PHF20: variants seen among roughly 807,000 people sequenced by gnomAD.
PHF20 encodes glioma-expressed antigen 2.
PHF20 carries 23 observed loss-of-function variants against 113.5 expected under a neutral mutation model. That is an observed-to-expected ratio of 0.20 (90% CI 0.15 to 0.29). The LOEUF is 0.29. Ranked by LOEUF, PHF20 falls within the 10% of genes least tolerant of loss-of-function variation. PHF20 has a pLI of 1.00. For missense variants in PHF20, 943 were observed against 1,219.6 expected (o/e 0.77, Z 3.38); for synonymous variants, 434 against 457.3 (o/e 0.95, Z 0.65).
intron 13 of PHF20, among the ~76,000 whole-genome samples, chr20:35,919,626 A>G (rs1201745032): frequency 2.0e-5 from 3 of 152,112 alleles, no homozygotes; most frequent in South Asian, 4.1e-4. Flanking sequence ...TTGACTTAAT[A>G]TACAGTTACA....
chr20:35,855,870 G>A (rs2042817554), intron 4 of PHF20, among the ~76,000 whole-genome samples: 1 of 151,926 alleles, frequency 6.6e-6, no homozygotes, highest in African/African-American at 2.4e-5. Context: ...GTAGAGACAG[G>A]GTTTCACCAT....
chr20:35,908,908 C>T (rs903607507), intron 10 of PHF20, among the ~76,000 whole-genome samples: 6 of 152,166 alleles, frequency 3.9e-5, no homozygotes, highest in African/African-American at 1.4e-4. Context: ...GCTGTAAGTG[C>T]TGTTCTGGCA....
At chr20:35,798,011 C>T (rs1367703846) in intron 1 of PHF20, among the ~76,000 whole-genome samples, 1 of 152,038 alleles carries the variant, frequency 6.6e-6, no homozygotes, top group Non-Finnish European at 1.5e-5. Context: ...TTACATTATA[C>T]ACTTGTGAAA....
At chr20:35,837,814 A>G (rs1410731631) in intron 2 of PHF20, among the ~76,000 whole-genome samples, 1 of 152,228 alleles carries the variant, frequency 6.6e-6, no homozygotes, top group African/African-American at 2.4e-5. Flanking sequence ...CAAGGCAGGC[A>G]GAGTTGTGAT....
Position 35,871,734 on chromosome 20 carries a change from G to C in PHF20, c.1187G>C (p.Gly396Ala). 1.2e-6 allele frequency: 2 copies of C among 1,613,944 alleles called. No individual in the cohort carries two copies. Among genetic ancestry groups the C allele is most frequent in the Non-Finnish European group, 1.7e-6 (2 of 1,179,890 alleles). ...TTTGGGGATGGATCCGGGGCTGCAG[G>C]CTTGGAGTTGAACTGCCCATCAATG... is the stretch of plus-strand genomic sequence containing the variant. ...HSFGDGSGAAGLELNCPSMGE... is the reference protein window; with the variant it reads ...HSFGDGSGAAALELNCPSMGE... Residue 396 changes from glycine to alanine, a missense_variant, in exon 9 of 18, where the codon GGC (glycine) becomes GCC (alanine). By Grantham distance (60) the Gly-to-Ala change is moderately conservative. Transcript: ENST00000374012.
At chr20:35,926,480 C>T (rs2055638251) in intron 13 of PHF20, among the ~76,000 whole-genome samples, 1 of 151,956 alleles carries the variant, frequency 6.6e-6, no homozygotes, top group Non-Finnish European at 1.5e-5. Flanking sequence ...ACCTCGTGAT[C>T]CGCCCGCCTC....
intron 4 of PHF20, among the ~76,000 whole-genome samples, chr20:35,852,875 G>A (rs1414534301): frequency 1.3e-5 from 2 of 151,232 alleles, no homozygotes; most frequent in Admixed American, 6.6e-5. Context: ...GGAATTACAG[G>A]CGTGAGCCAC....
intron 1 of PHF20, among the ~76,000 whole-genome samples, chr20:35,783,913 A>T (rs1249434485): frequency 6.7e-6 from 1 of 149,632 alleles, no homozygotes; most frequent in Non-Finnish European, 1.5e-5. Flanking sequence ...TGAACCCAGG[A>T]GGCGGAGGTT....
Position 35,894,929 on chromosome 20 carries a change from C to G in PHF20, c.1283-4441C>G, listed in dbSNP as rs575151856. ...AGAGTGCAATGGCACAATCTCGGCTCACTGCGATCTCGACCTCCTGGTTCA... is the reference window on the plus strand; with the variant it reads ...AGAGTGCAATGGCACAATCTCGGCTGACTGCGATCTCGACCTCCTGGTTCA... On this transcript the variant is annotated intron_variant, in intron 9 of 17. Coordinates refer to ENST00000374012, the MANE Select transcript of PHF20 (RefSeq NM_016436.5). Among the ~76,000 whole-genome samples, 8 of 152,320 alleles carry G rather than the reference C, an allele frequency of 5.3e-5. No individual in the cohort carries two copies. The South Asian group carries it at 1.7e-3, about 32-fold the overall frequency.
At chr20:35,901,951 A>T (rs753769197) in intron 10 of PHF20, among the ~76,000 whole-genome samples, 1 of 123,870 alleles carries the variant, frequency 8.1e-6, no homozygotes, top group Non-Finnish European at 1.8e-5. Context: ...TAATCTTTTT[A>T]ATAAGCCTGT....
chr20:35,925,739 T>G (rs932945031), intron 13 of PHF20, among the ~76,000 whole-genome samples: 2 of 152,044 alleles, frequency 1.3e-5, no homozygotes, highest in African/African-American at 2.4e-5. Flanking sequence ...TTATGGTTAT[T>G]CTTAGGTATT....
In PHF20 at chr20:35,925,321, G is replaced by A. The variant is rs79661967; in HGVS notation, c.2005-2459G>A. ...GTTGCCCAGGCTGGAGTGTAGTAGC[G>A]TGATCTTGGCTCACTGCAACCTCCG... On this transcript the variant is annotated intron_variant, in intron 13 of 17. Coordinates refer to ENST00000374012, the MANE Select transcript of PHF20 (RefSeq NM_016436.5). 7.9e-4 allele frequency among the ~76,000 whole-genome samples: 119 copies of A among 149,826 alleles called. 3 individuals are homozygous for A. Among genetic ancestry groups the A allele is most frequent in the East Asian group, 7.0e-3 (36 of 5,130 alleles).
chr20:35,826,020 C>A (rs542242752), intron 2 of PHF20, among the ~76,000 whole-genome samples: 12 of 152,126 alleles, frequency 7.9e-5, no homozygotes, highest in Non-Finnish European at 1.2e-4. Context: ...CTGTTTAATA[C>A]CTGTTTGCAG....
intron 1 of PHF20, among the ~76,000 whole-genome samples, chr20:35,785,063 A>AG (rs2041381375): frequency 6.6e-6 from 1 of 151,266 alleles, no homozygotes; most frequent in African/African-American, 2.4e-5. Context: ...AAAAAAAAAA[A>AG]GAGGGTAGTG....
intron 2 of PHF20, chr20:35,802,011 G>C (rs2041789860): frequency 6.3e-6 from 1 of 158,888 alleles, no homozygotes; most frequent in African/African-American, 2.4e-5. Context: ...CCTATTTTCT[G>C]GGCATGATCT....
At chr20:35,886,583 T>C (rs754837119) in intron 9 of PHF20, among the ~76,000 whole-genome samples, 1 of 152,188 alleles carries the variant, frequency 6.6e-6, no homozygotes, top group Non-Finnish European at 1.5e-5. Context: ...GAATAGCAAC[T>C]GTGTTGGGCC....
Position 35,869,534 on chromosome 20 carries a change from G to A in PHF20, c.905G>A (p.Arg302Gln), listed in dbSNP as rs1379479411. ...TGTGAAGTCCCATTAAAACGTCCTC[G>A]GCTTGACAAAAATTCATGTGAGTCT... ...KGCEVPLKRP[R>Q]LDKNSSQEKS... is the part of the protein sequence containing the mutation. Residue 302 changes from arginine (R) to glutamine (Q), a missense_variant, in exon 7 of 18, where the codon CGG becomes CAG. Physicochemically the swap from Arg to Gln is conservative, Grantham distance 43. Transcript: ENST00000374012. 9 of 1,594,294 alleles carry A rather than the reference G, an allele frequency of 5.6e-6. No homozygotes were observed. The highest frequency in any genetic ancestry group is 1.1e-5 in the South Asian group (1 of 89,790).
intron 2 of PHF20, among the ~76,000 whole-genome samples, chr20:35,810,379 T>C (rs989748958): frequency 1.3e-5 from 2 of 152,176 alleles, no homozygotes; most frequent in African/African-American, 4.8e-5. Flanking sequence ...CTTCCCTGAT[T>C]GGTTTTTTAC....
At chr20:35,812,908 T>C (rs1466039284) in intron 2 of PHF20, among the ~76,000 whole-genome samples, 2 of 152,162 alleles carry the variant, frequency 1.3e-5, no homozygotes, top group Non-Finnish European at 2.9e-5. Context: ...AAAATGGTAA[T>C]ATTCTAGTTT....
Sources: allele counts gnomAD v4.1 joint callset (sites outside exome capture counted in the v4.1 genomes callset), GRCh38; gene constraint gnomAD v4.1.1; transcripts MANE v1.5; gene names NCBI Gene and HGNC (gene_info 2026-07-23, HGNC 2026-07-21).